TSNARE1: variants seen among roughly 807,000 people sequenced by gnomAD.
The protein encoded by TSNARE1 is t-SNARE domain-containing protein 1.
Under a neutral mutation model 62.0 loss-of-function variants are expected in TSNARE1, and 49 were observed. That is an observed-to-expected ratio of 0.79 (90% CI 0.63 to 1.00). The LOEUF is 1.00. Among genes scored for constraint, TSNARE1 ranks in the 50% least tolerant of loss-of-function variants. TSNARE1 has a pLI of 0.00. For missense variants in TSNARE1, 755 were observed against 700.1 expected (o/e 1.08, Z -0.88); for synonymous variants, 328 against 294.4 (o/e 1.11, Z -1.17).
chr8:142,364,433 A>T (rs913044092), intron 1 of TSNARE1, among the ~76,000 whole-genome samples: 3 of 152,196 alleles, frequency 2.0e-5, no homozygotes, highest in African/African-American at 7.2e-5. Context: ...TACATAGCTG[A>T]GTGTGTACAT....
At chr8:142,370,288 G>T (rs763454892) in intron 1 of TSNARE1, among the ~76,000 whole-genome samples, 10 of 152,138 alleles carry the variant, frequency 6.6e-5, no homozygotes, top group Non-Finnish European at 1.0e-4. Flanking sequence ...GCCCAGAGAG[G>T]CCAGGTATGG....
rs552986753 is a variant in TSNARE1 at position 142,251,534 on chromosome 8, C to T, written c.1447-21955G>A. 1.2e-4 allele frequency among the ~76,000 whole-genome samples: 19 copies of T among 152,232 alleles called. No individual in the cohort carries two copies. The South Asian group carries it at 3.9e-3, about 32-fold the overall frequency. ...AGGGTGCGGCAGGCTCCTGTCCGTCCGAGCAGCACTGCTCTGGCACCCTCT... is the reference window on the plus strand; with the variant it reads ...AGGGTGCGGCAGGCTCCTGTCCGTCTGAGCAGCACTGCTCTGGCACCCTCT... On this transcript the variant is annotated intron_variant, in intron 12 of 13. Coordinates refer to ENST00000524325, the MANE Select transcript of TSNARE1 (RefSeq NM_145003.5).
Position 142,300,605 on chromosome 8 carries a change from TCTC to T in TSNARE1, c.1168_1170del (p.Glu390del), listed in dbSNP as rs1415853249. 2 of 1,613,598 alleles carry T rather than the reference TCTC, an allele frequency of 1.2e-6. No homozygotes were observed. Among genetic ancestry groups the T allele is most frequent in the Non-Finnish European group, 1.7e-6 (2 of 1,179,968 alleles). ...ATGTTGTCACTCCCGTTAAAGACCTTCTCATCATCAGCCAGCTCGGCAAACGGG... is the reference window on the plus strand; with the variant it reads ...ATGTTGTCACTCCCGTTAAAGACCTTATCATCAGCCAGCTCGGCAAACGGG... On this transcript the variant is annotated inframe_deletion, in exon 10 of 14. Coordinates refer to ENST00000524325, the MANE Select transcript of TSNARE1 (RefSeq NM_145003.5).
At chr8:142,358,893 T>A (rs1834944255) in intron 1 of TSNARE1, among the ~76,000 whole-genome samples, 1 of 151,710 alleles carries the variant, frequency 6.6e-6, no homozygotes, top group Non-Finnish European at 1.5e-5. Context: ...TCAACCCCCA[T>A]CCTGCGCTGG....
chr8:142,309,532 C>T, intron 9 of TSNARE1, among the ~76,000 whole-genome samples: 1 of 152,196 alleles, frequency 6.6e-6, no homozygotes, highest in East Asian at 1.9e-4. Flanking sequence ...CATTTCCTCA[C>T]TTATTCTATA....
chr8:142,220,941 C>T (rs1816181924), intron 13 of TSNARE1, among the ~76,000 whole-genome samples: 1 of 152,220 alleles, frequency 6.6e-6, no homozygotes, highest in African/African-American at 2.4e-5. Flanking sequence ...GTACTCACTC[C>T]CTGCTGGCAT....
intron 12 of TSNARE1, among the ~76,000 whole-genome samples, chr8:142,242,108 A>C (rs34844236): frequency 2.1e-5 from 3 of 146,274 alleles, no homozygotes; most frequent in African/African-American, 2.4e-5. Context: ...CTCAAAATGG[A>C]TGGAAGACCG....
intron 1 of TSNARE1, among the ~76,000 whole-genome samples, chr8:142,401,443 A>T (rs1349992177): frequency 6.6e-6 from 1 of 152,180 alleles, no homozygotes; most frequent in Non-Finnish European, 1.5e-5. Context: ...AGGGACATAA[A>T]GCAGGGACTG....
intron 11 of TSNARE1, chr8:142,280,471 T>C (rs73366671): frequency 4.1e-5 from 13 of 313,284 alleles, no homozygotes; most frequent in Admixed American, 6.5e-5. Context: ...ACATCCACTA[T>C]ACAGGGGCCC....
chr8:142,284,621 C>A (rs1376995633), intron 10 of TSNARE1, 136 bp from the exon 11 acceptor site: 1 of 703,302 alleles, frequency 1.4e-6, no homozygotes, highest in East Asian at 2.6e-5. Flanking sequence ...CAGCTGGGGA[C>A]CGGCTGGTCT....
intron 12 of TSNARE1, chr8:142,270,411 C>G (rs1404045917): frequency 1.0e-6 from 1 of 985,090 alleles, no homozygotes; most frequent in African/African-American, 1.7e-5. Flanking sequence ...TAAAAAAATA[C>G]TTTTTGCAAG....
At chr8:142,224,978 G>A (rs2130004590) in intron 13 of TSNARE1, among the ~76,000 whole-genome samples, 1 of 152,234 alleles carries the variant, frequency 6.6e-6, no homozygotes, top group African/African-American at 2.4e-5. Context: ...TGAGCCTGCA[G>A]GCTGGGAGCT....
At chr8:142,218,922 G>A (rs1425911665) in intron 13 of TSNARE1, among the ~76,000 whole-genome samples, 2 of 152,208 alleles carry the variant, frequency 1.3e-5, no homozygotes, top group African/African-American at 4.8e-5. Context: ...GCACCCGGAA[G>A]CAAAATTGCT....
At chr8:142,300,381 G>T in intron 10 of TSNARE1, 105 bp downstream of exon 10, 2 of 1,366,672 alleles carry the variant, frequency 1.5e-6, no homozygotes, top group South Asian at 1.4e-5. Context: ...AGCCCCTCCA[G>T]GTCAAGGGCA....
chr8:142,299,182 G>C (rs972803515), intron 10 of TSNARE1, among the ~76,000 whole-genome samples: 12 of 152,234 alleles, frequency 7.9e-5, no homozygotes, highest in Non-Finnish European at 5.9e-5. Context: ...AAAGTAGGGG[G>C]TTGCCACAGC....
chr8:142,274,131 G>C, intron 12 of TSNARE1: 2 of 985,426 alleles, frequency 2.0e-6, no homozygotes, highest in Non-Finnish European at 2.4e-6. Context: ...TGAGGAACAG[G>C]CTCTGGTCAT....
intron 1 of TSNARE1, among the ~76,000 whole-genome samples, chr8:142,378,325 G>C (rs556218736): frequency 1.2e-4 from 18 of 152,326 alleles, no homozygotes; most frequent in African/African-American, 3.4e-4. Context: ...TTCTAGAACA[G>C]GCAAAAGTCG....
chr8:142,336,672 C>T (rs1400587186), intron 4 of TSNARE1, among the ~76,000 whole-genome samples: 1 of 152,192 alleles, frequency 6.6e-6, no homozygotes, highest in Non-Finnish European at 1.5e-5. Flanking sequence ...GCCACAGAAA[C>T]TCCAACACCA....
intron 11 of TSNARE1, 167 bp from the exon 12 acceptor site, chr8:142,275,030 G>T (rs1820221463): frequency 1.0e-6 from 1 of 985,456 alleles, no homozygotes. Flanking sequence ...GGCTCCGCGT[G>T]GTGTGGGCAG....
Sources: allele counts gnomAD v4.1 joint callset (sites outside exome capture counted in the v4.1 genomes callset), GRCh38; gene constraint gnomAD v4.1.1; transcripts MANE v1.5; gene names NCBI Gene and HGNC (gene_info 2026-07-23, HGNC 2026-07-21).